Variants in HNRNPA0 observed in about 807,000 individuals in gnomAD.
HNRNPA0 encodes the protein heterogeneous nuclear ribonucleoprotein A0, also known as hnRNA binding protein.
For missense variants in HNRNPA0, 252 were observed against 433.7 expected (o/e 0.58, Z 3.72); for synonymous variants, 243 against 195.5 (o/e 1.24, Z -2.03).
Position 137,749,282 on chromosome 5 carries a change from G to A in HNRNPA0, c.*3867C>T, listed in dbSNP as rs1035538371. On this transcript the variant is annotated 3_prime_UTR_variant, in exon 1 of 1. Transcript: ENST00000314940. ...AAAGAAAGCCTGCCTGAATAGAGAA[G>A]GAAACAGTTAAGAATAACTACCAAA... 1 of 152,090 alleles carries A rather than the reference G, an allele frequency of 6.6e-6. No homozygotes were observed. Among genetic ancestry groups the A allele is most frequent in the African/African-American group, 2.4e-5 (1 of 41,408 alleles). 9.4% of individuals were successfully genotyped at this position (152,090 alleles called of 1,614,324 possible).
Position 137,753,141 on chromosome 5 carries a change from A to G in HNRNPA0, c.*8T>C, listed in dbSNP as rs1208817899. ...CTATAGCCACTCCCAGGCATTTTAA[A>G]TTTTCTTTTAGAAGGAGCTGCCTCC... On this transcript the variant is annotated 3_prime_UTR_variant, in exon 1 of 1. Coordinates refer to ENST00000314940, the MANE Select transcript of HNRNPA0 (RefSeq NM_006805.4). This position sits in a 1 kb window ranked among gnomAD's most constrained non-coding sequence, Gnocchi z 6.1. 6.2e-7 allele frequency: 1 copy of G among 1,609,542 alleles called. No homozygotes were observed. Among genetic ancestry groups the G allele is most frequent in the African/African-American group, 1.3e-5 (1 of 74,718 alleles).
Position 137,754,268 on chromosome 5 carries a change from C to G in HNRNPA0, c.-202G>C, listed in dbSNP as rs189655296. 86 of 722,460 alleles carry G rather than the reference C, an allele frequency of 1.2e-4. No individual in the cohort carries two copies. Among genetic ancestry groups the G allele is most frequent in the Non-Finnish European group, 1.7e-4 (77 of 447,060 alleles). 44.8% of individuals were successfully genotyped at this position (722,460 alleles called of 1,614,324 possible). A position where few individuals can be genotyped will look rare whatever the true frequency, so the allele number is the denominator to read the frequency against. On this transcript the variant is annotated 5_prime_UTR_variant, in exon 1 of 1. Coordinates refer to ENST00000314940, the MANE Select transcript of HNRNPA0 (RefSeq NM_006805.4). ...GGGGAGGGAAGGGGAGCGGTGCCGG[C>G]TAAAGGGCGAGCCGAGGAGACTGGA...
In HNRNPA0 at chr5:137,749,462, T is replaced by A. The variant is rs1170510119; in HGVS notation, c.*3687A>T. ...GCAGCTTTCAAATATCTTTTTATAA[T>A]AAATGTTTTACCTTGTAACATTTAA... On this transcript the variant is annotated 3_prime_UTR_variant, in exon 1 of 1. Coordinates refer to ENST00000314940, the MANE Select transcript of HNRNPA0 (RefSeq NM_006805.4). 6.6e-6 allele frequency: 1 copy of A among 152,184 alleles called. No homozygotes were observed. The highest frequency in any genetic ancestry group is 1.5e-5 in the Non-Finnish European group (1 of 68,020). 9.4% of individuals were successfully genotyped at this position (152,184 alleles called of 1,614,324 possible).
At position 137,747,321 on chromosome 5, in the gene HNRNPA0, G is replaced by A. The variant is rs2149946143; in HGVS notation, c.*5828C>T. The stretch of plus-strand genomic sequence containing the variant: ...CCTCCCAGGAACACAGAACAAGAGA[G>A]ATAAAGATGGAAAATAGATCAGGAA... On this transcript the variant is annotated 3_prime_UTR_variant, in exon 1 of 1. Coordinates refer to ENST00000314940, the MANE Select transcript of HNRNPA0 (RefSeq NM_006805.4). 1 of 152,310 alleles carries A rather than the reference G, an allele frequency of 6.6e-6. No homozygotes were observed. The highest frequency in any genetic ancestry group is 2.1e-4 in the South Asian group (1 of 4,824). The allele number at this position is 152,310 out of a possible 1,614,324, so 9.4% of individuals were successfully genotyped here.
Position 137,746,547 on chromosome 5 carries a change from C to T in HNRNPA0, c.*6602G>A, listed in dbSNP as rs1449189423. The stretch of plus-strand genomic sequence containing the variant: ...ATGCTCTTCCCATACCTATATTGCT[C>T]ACTCCCACATTTCCTTCAAGTCTTT... On this transcript the variant is annotated 3_prime_UTR_variant, in exon 1 of 1. Transcript: ENST00000314940. 1 of 152,206 alleles carries T rather than the reference C, an allele frequency of 6.6e-6. No homozygotes were observed. Among genetic ancestry groups the T allele is most frequent in the African/African-American group, 2.4e-5 (1 of 41,422 alleles). 9.4% of individuals were successfully genotyped at this position (152,206 alleles called of 1,614,324 possible).
At position 137,746,357 on chromosome 5, in the gene HNRNPA0, T is replaced by C. The variant is rs910904093; in HGVS notation, c.*6792A>G. ...ACCATTCATTTAGTGAAAACCAAAATCCTTACAACAACCTACAAATCCCTA... is the reference window on the plus strand; with the variant it reads ...ACCATTCATTTAGTGAAAACCAAAACCCTTACAACAACCTACAAATCCCTA... On this transcript the variant is annotated 3_prime_UTR_variant, in exon 1 of 1. Transcript: ENST00000314940. 1.3e-5 allele frequency: 2 copies of C among 152,154 alleles called. No individual in the cohort carries two copies. The highest frequency in any genetic ancestry group is 1.3e-4 in the Admixed American group (2 of 15,276). The allele number at this position is 152,154 out of a possible 1,614,324, so 9.4% of individuals were successfully genotyped here. A position where few individuals can be genotyped will look rare whatever the true frequency, so the allele number is the denominator to read the frequency against.
chr5:137,752,164 T>A lies in HNRNPA0; in HGVS notation c.*985A>T, dbSNP rs1006043772. 6 of 152,094 alleles carry A rather than the reference T, an allele frequency of 3.9e-5. No individual in the cohort carries two copies. The highest frequency in any genetic ancestry group is 1.5e-4 in the African/African-American group (6 of 41,360). 9.4% of individuals were successfully genotyped at this position (152,094 alleles called of 1,614,324 possible). Reference sequence around the variant, plus strand: ...TGCTCTGAAAGTACAAAAACGCATTTGAGGGTAAAATATAACCCTTATTTT... The same window carrying A: ...TGCTCTGAAAGTACAAAAACGCATTAGAGGGTAAAATATAACCCTTATTTT... On this transcript the variant is annotated 3_prime_UTR_variant, in exon 1 of 1. Transcript: ENST00000314940.
chr5:137,753,797 C>A lies in HNRNPA0; in HGVS notation c.270G>T (p.Arg90=). ...KRAVSREDSA[R]PGAHAKVKKL... ...TCTTAACCTTGGCGTGGGCACCGGGCCGCGCCGAATCCTCCCGGGACACCG... is the reference window on the plus strand; with the variant it reads ...TCTTAACCTTGGCGTGGGCACCGGGACGCGCCGAATCCTCCCGGGACACCG... Residue 90 remains arginine, a synonymous_variant, in exon 1 of 1, where the codon CGG becomes CGT. Coordinates refer to ENST00000314940, the MANE Select transcript of HNRNPA0 (RefSeq NM_006805.4). The surrounding 1 kb of genome is among the most constrained non-coding windows in gnomAD (Gnocchi z 6.1). 6.2e-7 allele frequency: 1 copy of A among 1,610,546 alleles called. No individual in the cohort carries two copies. The highest frequency in any genetic ancestry group is 8.5e-7 in the Non-Finnish European group (1 of 1,180,000).
chr5:137,746,542 T>G lies in HNRNPA0; in HGVS notation c.*6607A>C, dbSNP rs1231789422. The G allele has an allele frequency of 6.6e-6, 1 of 152,222 alleles. No homozygotes were observed. The allele number at this position is 152,222 out of a possible 1,614,324, so 9.4% of individuals were successfully genotyped here. A position where few individuals can be genotyped will look rare whatever the true frequency, so the allele number is the denominator to read the frequency against. On this transcript the variant is annotated 3_prime_UTR_variant, in exon 1 of 1. Transcript: ENST00000314940. ...CTAGAATGCTCTTCCCATACCTATA[T>G]TGCTCACTCCCACATTTCCTTCAAG...
In HNRNPA0 at chr5:137,753,061, T is replaced by A. The variant is rs1247984725; in HGVS notation, c.*88A>T. 1.4e-6 allele frequency: 2 copies of A among 1,393,208 alleles called. No homozygotes were observed. Among genetic ancestry groups the A allele is most frequent in the African/African-American group, 2.9e-5 (2 of 69,512 alleles). The allele number at this position is 1,393,208 out of a possible 1,614,324, so 86.3% of individuals were successfully genotyped here. On this transcript the variant is annotated 3_prime_UTR_variant, in exon 1 of 1. Coordinates refer to ENST00000314940, the MANE Select transcript of HNRNPA0 (RefSeq NM_006805.4). The surrounding 1 kb of genome is among the most constrained non-coding windows in gnomAD (Gnocchi z 6.1). Reference sequence around the variant, plus strand: ...GGCAAAACAGGGAAGGCGGTGTGTGTGAGGGGGTGGGGCTTAGGAGTTGAC... The same window carrying A: ...GGCAAAACAGGGAAGGCGGTGTGTGAGAGGGGGTGGGGCTTAGGAGTTGAC...
Position 137,747,499 on chromosome 5 carries a change from C to T in HNRNPA0, c.*5650G>A, listed in dbSNP as rs1013073627. ...CCAGTGGCATCACCATCCTCTCACA[C>T]AGTAATTTTGATTAATCTACTCTCT... is the stretch of plus-strand genomic sequence containing the variant. On this transcript the variant is annotated 3_prime_UTR_variant, in exon 1 of 1. Transcript: ENST00000314940. 2 of 152,216 alleles carry T rather than the reference C, an allele frequency of 1.3e-5. No individual in the cohort carries two copies. Among genetic ancestry groups the T allele is most frequent in the Non-Finnish European group, 2.9e-5 (2 of 68,030 alleles). 9.4% of individuals were successfully genotyped at this position (152,216 alleles called of 1,614,324 possible).
In HNRNPA0 at chr5:137,753,298, TGCCGAAGCC is replaced by T. The variant is rs747158331; in HGVS notation, c.760_768del (p.Gly254_Gly256del). 3.0e-5 allele frequency: 48 copies of T among 1,575,076 alleles called. No homozygotes were observed. Among genetic ancestry groups the T allele is most frequent in the African/African-American group, 2.9e-4 (21 of 72,472 alleles). On this transcript the variant is annotated inframe_deletion, in exon 1 of 1. Coordinates refer to ENST00000314940, the MANE Select transcript of HNRNPA0 (RefSeq NM_006805.4). This position sits in a 1 kb window ranked among gnomAD's most constrained non-coding sequence, Gnocchi z 6.1. ...TAGGAGGACTGATGCTGGCTGTAGCTGCCGAAGCCGCCGAAGCCGTTACCGTAGTCGCTC... is the reference window on the plus strand; with the variant it reads ...TAGGAGGACTGATGCTGGCTGTAGCTGCCGAAGCCGTTACCGTAGTCGCTC...
rs765715732 is a variant in HNRNPA0, at chr5:137,753,099, GT to G, written c.*49del. 8.4e-6 allele frequency: 13 copies of G among 1,553,776 alleles called. No homozygotes were observed. The Admixed American group carries it at 2.2e-4, about 26-fold the overall frequency. On this transcript the variant is annotated 3_prime_UTR_variant, in exon 1 of 1. Coordinates refer to ENST00000314940, the MANE Select transcript of HNRNPA0 (RefSeq NM_006805.4). This position sits in a 1 kb window ranked among gnomAD's most constrained non-coding sequence, Gnocchi z 6.1. ...CTTAGGAGTTGACCCCACTTGGGCT[GT>G]TGGAAAGAGCTACCCCTATAGCCAC...
In HNRNPA0 at chr5:137,746,247, T is replaced by A. The variant is rs888430876; in HGVS notation, c.*6902A>T. 6.6e-6 allele frequency: 1 copy of A among 152,220 alleles called. No homozygotes were observed. The highest frequency in any genetic ancestry group is 2.4e-5 in the African/African-American group (1 of 41,448). The allele number at this position is 152,220 out of a possible 1,614,324, so 9.4% of individuals were successfully genotyped here. ...TAAACCTTCATTGAAAGCAGCTGTA[T>A]GAAAGGAATAGGAATTTTGGGAAAC... On this transcript the variant is annotated 3_prime_UTR_variant, in exon 1 of 1. Coordinates refer to ENST00000314940, the MANE Select transcript of HNRNPA0 (RefSeq NM_006805.4).
Position 137,752,937 on chromosome 5 carries a change from T to C in HNRNPA0, c.*212A>G. 1.9e-6 allele frequency: 1 copy of C among 520,056 alleles called. No homozygotes were observed. Among genetic ancestry groups the C allele is most frequent in the South Asian group, 3.6e-5 (1 of 28,032 alleles). The allele number at this position is 520,056 out of a possible 1,614,324, so 32.2% of individuals were successfully genotyped here. The stretch of plus-strand genomic sequence containing the variant: ...TGACTGTAACACAAAAATGTGTATG[T>C]GGGGCCGAGTCCATCTTCAGAGGGA... On this transcript the variant is annotated 3_prime_UTR_variant, in exon 1 of 1. Coordinates refer to ENST00000314940, the MANE Select transcript of HNRNPA0 (RefSeq NM_006805.4).
rs1434759294 is a variant in HNRNPA0 at position 137,746,520 on chromosome 5, G to C, written c.*6629C>G. On this transcript the variant is annotated 3_prime_UTR_variant, in exon 1 of 1. Coordinates refer to ENST00000314940, the MANE Select transcript of HNRNPA0 (RefSeq NM_006805.4). ...TTTGCTCTTCCTAATCCTCTACCTA[G>C]AATGCTCTTCCCATACCTATATTGC... 1 of 152,074 alleles carries C rather than the reference G, an allele frequency of 6.6e-6. No individual in the cohort carries two copies. Among genetic ancestry groups the C allele is most frequent in the Admixed American group, 6.6e-5 (1 of 15,262 alleles). 9.4% of individuals were successfully genotyped at this position (152,074 alleles called of 1,614,324 possible). A position where few individuals can be genotyped will look rare whatever the true frequency, so the allele number is the denominator to read the frequency against.
In HNRNPA0 at chr5:137,746,906, T is replaced by C. The variant is rs1753416942; in HGVS notation, c.*6243A>G. On this transcript the variant is annotated 3_prime_UTR_variant, in exon 1 of 1. Coordinates refer to ENST00000314940, the MANE Select transcript of HNRNPA0 (RefSeq NM_006805.4). ...TAGTGCAAATAGCTAGATCTTCACG[T>C]TTGGTGGTGTGGGAAGATCAAGTCA... 6.6e-6 allele frequency: 1 copy of C among 152,094 alleles called. No individual in the cohort carries two copies. The highest frequency in any genetic ancestry group is 2.4e-5 in the African/African-American group (1 of 41,418). The allele number at this position is 152,094 out of a possible 1,614,324, so 9.4% of individuals were successfully genotyped here.
At position 137,752,034 on chromosome 5, in the gene HNRNPA0, T is replaced by TACTCTGCCATTCTGCC. The variant is rs1447560987; in HGVS notation, c.*1099_*1114dup. On this transcript the variant is annotated 3_prime_UTR_variant, in exon 1 of 1. Transcript: ENST00000314940. ...GTTTTTAAACAAATTGTTTCGCAGC[T>TACTCTGCCATTCTGCC]ACTCTGCCATTCTGCCAGTAGATGG... 1.3e-5 allele frequency: 2 copies of TACTCTGCCATTCTGCC among 152,044 alleles called. No homozygotes were observed. The highest frequency in any genetic ancestry group is 2.4e-5 in the African/African-American group (1 of 41,150). 9.4% of individuals were successfully genotyped at this position (152,044 alleles called of 1,614,324 possible). A position where few individuals can be genotyped will look rare whatever the true frequency, so the allele number is the denominator to read the frequency against.
rs1379914073 is a variant in HNRNPA0 at position 137,748,512 on chromosome 5, A to G, written c.*4637T>C. The G allele has an allele frequency of 6.6e-6, 1 of 152,190 alleles. No individual in the cohort carries two copies. Among genetic ancestry groups the G allele is most frequent in the Non-Finnish European group, 1.5e-5 (1 of 68,002 alleles). 9.4% of individuals were successfully genotyped at this position (152,190 alleles called of 1,614,324 possible). A position where few individuals can be genotyped will look rare whatever the true frequency, so the allele number is the denominator to read the frequency against. ...CTGTCCCACCTCTTCATTAGGGGCC[A>G]TATAGTAAAATTACTGTGTACCAGA... On this transcript the variant is annotated 3_prime_UTR_variant, in exon 1 of 1. Transcript: ENST00000314940.
Sources: allele counts gnomAD v4.1 joint callset, GRCh38; gene constraint gnomAD v4.1.1; non-coding constraint Gnocchi (gnomAD v3.1); transcripts MANE v1.5; gene names NCBI Gene and HGNC (gene_info 2026-07-23, HGNC 2026-07-21).